Variants in CAMSAP2 observed in about 807,000 individuals in gnomAD.
The protein encoded by CAMSAP2 is calmodulin regulated spectrin associated protein family member 2, also known as calmodulin-regulated spectrin-associated protein 2.
Under a neutral mutation model 146.1 loss-of-function variants are expected in CAMSAP2, and 26 were observed. The ratio of observed to expected loss-of-function variants is 0.18; its 90% CI spans 0.13 to 0.25. The LOEUF is 0.25. CAMSAP2 is among the 10% of genes least tolerant of loss of function. CAMSAP2 has a pLI of 1.00. For missense variants in CAMSAP2, 1,381 were observed against 1,759.3 expected (o/e 0.78, Z 3.85); for synonymous variants, 499 against 596.6 (o/e 0.84, Z 2.38).
Position 200,848,997 on chromosome 1 carries a change from C to T in CAMSAP2, c.2228C>T (p.Thr743Ile). The T allele has an allele frequency of 6.2e-7, 1 of 1,614,086 alleles. No homozygotes were observed. The highest frequency in any genetic ancestry group is 8.5e-7 in the Non-Finnish European group (1 of 1,179,980). The change falls in exon 11 of 17, where the codon ACC becomes ATC. Residue 743 changes from threonine to isoleucine, a missense_variant. Physicochemically the swap from Thr to Ile is moderately conservative, Grantham distance 89 (BLOSUM62 -1). Transcript: ENST00000358823. ...ETGLPQGRDTTQLLASEMVHL... is the reference protein window; with the variant it reads ...ETGLPQGRDTIQLLASEMVHL... ...GGGCTTCCACAGGGACGGGACACTA[C>T]CCAGCTGTTGGCCTCTGAAATGGTG...
chr1:200,767,795 A>G (rs796118301), intron 2 of CAMSAP2, among the ~76,000 whole-genome samples: 2 of 152,244 alleles, frequency 1.3e-5, no homozygotes, highest in African/African-American at 4.8e-5. Context: ...GCTAGAACTC[A>G]ATTTTCTGTT....
intron 4 of CAMSAP2, among the ~76,000 whole-genome samples, chr1:200,831,259 A>G (rs576782477): frequency 3.9e-5 from 6 of 152,220 alleles, no homozygotes; most frequent in Non-Finnish European, 8.8e-5. Context: ...GCTAACCTTT[A>G]TTGATTGCTT....
intron 1 of CAMSAP2, among the ~76,000 whole-genome samples, chr1:200,745,010 T>C (rs1354852966): frequency 1.3e-5 from 2 of 152,200 alleles, no homozygotes; most frequent in African/African-American, 4.8e-5. Context: ...CTATTAAGTA[T>C]ATTAAACATG....
At chr1:200,818,690 G>A (rs1010353986) in intron 4 of CAMSAP2, among the ~76,000 whole-genome samples, 1 of 152,116 alleles carries the variant, frequency 6.6e-6, no homozygotes, top group Non-Finnish European at 1.5e-5. Flanking sequence ...CTAACAATGG[G>A]ATTTTTGGCA....
chr1:200,854,401 C>A (rs1667698739), intron 13 of CAMSAP2, among the ~76,000 whole-genome samples: 1 of 152,062 alleles, frequency 6.6e-6, no homozygotes, highest in South Asian at 2.1e-4. Context: ...TTATACTAAA[C>A]CTGAGGAAAA....
chr1:200,845,304 C>G (rs898035098), intron 8 of CAMSAP2, among the ~76,000 whole-genome samples: 2 of 151,320 alleles, frequency 1.3e-5, no homozygotes, highest in African/African-American at 2.4e-5. Flanking sequence ...ACAGTGTTAC[C>G]CACACAACGG....
At chr1:200,757,441 A>G (rs544676725) in intron 1 of CAMSAP2, among the ~76,000 whole-genome samples, 23 of 152,258 alleles carry the variant, frequency 1.5e-4, no homozygotes, top group Non-Finnish European at 2.9e-4. Flanking sequence ...ATACAAGAAA[A>G]ACTCATCTCA....
chr1:200,778,555 A>G (rs1052687392), intron 2 of CAMSAP2, among the ~76,000 whole-genome samples: 42 of 152,284 alleles, frequency 2.8e-4, no homozygotes, highest in African/African-American at 8.2e-4. Flanking sequence ...ACCAGTGATC[A>G]TTTGACTTTC....
intron 3 of CAMSAP2, among the ~76,000 whole-genome samples, chr1:200,808,976 A>C (rs1338987436): frequency 6.6e-6 from 1 of 152,200 alleles, no homozygotes; most frequent in Non-Finnish European, 1.5e-5. Flanking sequence ...TGCAGAGGCA[A>C]ATATTGCTGG....
intron 6 of CAMSAP2, among the ~76,000 whole-genome samples, chr1:200,833,525 A>G (rs1021519168): frequency 6.6e-6 from 1 of 152,048 alleles, no homozygotes; most frequent in South Asian, 2.1e-4. Context: ...GCGCCACTGC[A>G]CCCTAGCCTG....
At chr1:200,744,692 C>T (rs1305460289) in intron 1 of CAMSAP2, among the ~76,000 whole-genome samples, 4 of 152,062 alleles carry the variant, frequency 2.6e-5, no homozygotes, top group Non-Finnish European at 5.9e-5. Flanking sequence ...TTTCCAGCCT[C>T]ATCAGTGGTC....
Position 200,858,182 on chromosome 1 carries a change from G to C in CAMSAP2, c.*123G>C. ...TAATTAAAACTGGACATTAAGCTCT[G>C]TTGTCATGAACAACTGGAATGTAAA... On this transcript the variant is annotated 3_prime_UTR_variant, in exon 17 of 17. Transcript: ENST00000358823. 1 of 839,778 alleles carries C rather than the reference G, an allele frequency of 1.2e-6. No homozygotes were observed. Among genetic ancestry groups the C allele is most frequent in the Non-Finnish European group, 1.8e-6 (1 of 550,338 alleles). The allele number at this position is 839,778 out of a possible 1,614,324, so 52.0% of individuals were successfully genotyped here.
chr1:200,827,890 A>T (rs1389505308), intron 4 of CAMSAP2, among the ~76,000 whole-genome samples: 1 of 152,102 alleles, frequency 6.6e-6, no homozygotes, highest in South Asian at 2.1e-4. Flanking sequence ...TATTATATTC[A>T]TTTTTTTAAA....
At chr1:200,786,844 T>G (rs187051291) in intron 2 of CAMSAP2, among the ~76,000 whole-genome samples, 194 of 152,246 alleles carry the variant, frequency 1.3e-3, no homozygotes, top group African/African-American at 4.5e-3. Flanking sequence ...GCTGGTGACT[T>G]TAGATCGAAG....
Position 200,850,214 on chromosome 1 carries a change from T to C in CAMSAP2, c.3445T>C (p.Cys1149Arg). 1 of 1,587,122 alleles carries C rather than the reference T, an allele frequency of 6.3e-7. No homozygotes were observed. Among genetic ancestry groups the C allele is most frequent in the Non-Finnish European group, 8.6e-7 (1 of 1,169,548 alleles). Reference sequence around the variant, plus strand: ...ACAATTTGATGATGACCAGAAAGTATGCTGTGGATTCTTTTTTAAGGTGTA... The same window carrying C: ...ACAATTTGATGATGACCAGAAAGTACGCTGTGGATTCTTTTTTAAGGTGTA... ...KEQFDDDQKVCCGFFFKDDQK... is the reference protein window; with the variant it reads ...KEQFDDDQKVRCGFFFKDDQK... Residue 1149 changes from cysteine (C) to arginine (R), a missense_variant, in exon 11 of 17, where the codon TGC becomes CGC. Coordinates refer to ENST00000358823, the MANE Select transcript of CAMSAP2 (RefSeq NM_203459.4).
At chr1:200,804,494 C>A (rs1024185307) in intron 2 of CAMSAP2, among the ~76,000 whole-genome samples, 1 of 152,018 alleles carries the variant, frequency 6.6e-6, no homozygotes, top group African/African-American at 2.4e-5. Context: ...GAACAAACTG[C>A]CAAGAGGAGT....
At chr1:200,756,046 G>A (rs529092593) in intron 1 of CAMSAP2, among the ~76,000 whole-genome samples, 26 of 152,154 alleles carry the variant, frequency 1.7e-4, no homozygotes, top group African/African-American at 5.8e-4. Flanking sequence ...GGAACATAGC[G>A]GCCTGGGGAA....
intron 2 of CAMSAP2, among the ~76,000 whole-genome samples, chr1:200,779,338 G>C (rs957234400): frequency 6.6e-6 from 1 of 152,080 alleles, no homozygotes; most frequent in Non-Finnish European, 1.5e-5. Context: ...AAGCAAACTA[G>C]GTATATATTG....
At chr1:200,762,817 T>A (rs1004701328) in intron 2 of CAMSAP2, among the ~76,000 whole-genome samples, 1 of 152,242 alleles carries the variant, frequency 6.6e-6, no homozygotes, top group South Asian at 2.1e-4. Context: ...GTGTTACTCA[T>A]GTTTCTTTCA....
Sources: allele counts gnomAD v4.1 joint callset (sites outside exome capture counted in the v4.1 genomes callset), GRCh38; gene constraint gnomAD v4.1.1; transcripts MANE v1.5; gene names NCBI Gene and HGNC (gene_info 2026-07-23, HGNC 2026-07-21).